Variants in PADI4 observed in about 807,000 individuals in gnomAD.
The protein encoded by PADI4 is peptidyl arginine deiminase 4, also known as protein-arginine deiminase type-4.
PADI4 carries 62 observed loss-of-function variants against 75.0 expected under a neutral mutation model. That is an observed-to-expected ratio of 0.83 (90% CI 0.67 to 1.02). The LOEUF (loss-of-function observed/expected upper bound fraction) is 1.02. Among genes scored for constraint, PADI4 ranks in the 50% least tolerant of loss-of-function variants. PADI4 has a pLI of 0.00. For missense variants in PADI4, 845 were observed against 850.5 expected (o/e 0.99, Z 0.08); for synonymous variants, 361 against 348.1 (o/e 1.04, Z -0.41).
chr1:17,340,790 CTTTTTT>C (rs138301211), intron 6 of PADI4, among the ~76,000 whole-genome samples: 5 of 126,902 alleles, frequency 3.9e-5, no homozygotes, highest in Non-Finnish European at 6.6e-5. Context: ...CTATTCCAAG[CTTTTTT>C]TTTTTTTTTT....
intron 1 of PADI4, among the ~76,000 whole-genome samples, chr1:17,326,239 T>TAATA (rs1308340070): frequency 6.6e-6 from 1 of 152,244 alleles, no homozygotes; most frequent in Non-Finnish European, 1.5e-5. Context: ...TTGATTTGTT[T>TAATA]TATTATTTCA....
chr1:17,362,799 C>T (rs1016876613), intron 15 of PADI4, among the ~76,000 whole-genome samples: 12 of 152,208 alleles, frequency 7.9e-5, no homozygotes, highest in Non-Finnish European at 2.9e-5. Flanking sequence ...TCTCAGTTTT[C>T]TCATTTGTAA....
intron 10 of PADI4, among the ~76,000 whole-genome samples, chr1:17,352,009 G>GTGGT (rs2074649337): frequency 3.0e-5 from 1 of 33,202 alleles, no homozygotes; most frequent in Non-Finnish European, 5.5e-5. Context: ...GAGGTGATGG[G>GTGGT]AGGAGAGGCG....
At chr1:17,331,238 G>C in intron 2 of PADI4, 89 bp downstream of exon 2, 1 of 1,095,270 alleles carries the variant, frequency 9.1e-7, no homozygotes, top group Non-Finnish European at 1.3e-6. Context: ...CACAGCACCA[G>C]CCTGGCAGAG....
At chr1:17,361,616 A>C (rs2074849860) in intron 15 of PADI4, among the ~76,000 whole-genome samples, 1 of 152,168 alleles carries the variant, frequency 6.6e-6, no homozygotes, top group Non-Finnish European at 1.5e-5. Flanking sequence ...TTCTTACCTA[A>C]TTGTCATTGC....
intron 6 of PADI4, among the ~76,000 whole-genome samples, chr1:17,340,523 G>A (rs554199567): frequency 5.3e-5 from 8 of 152,150 alleles, no homozygotes; most frequent in South Asian, 2.1e-4. Flanking sequence ...CAGAGGGAAC[G>A]GCAAGTGCGT....
At chr1:17,354,763 C>A in intron 11 of PADI4, 76 bp downstream of exon 11, 1 of 1,378,138 alleles carries the variant, frequency 7.3e-7, no homozygotes, top group Non-Finnish European at 9.8e-7. Flanking sequence ...GAGTGGAAGC[C>A]TTGCCTTCCT....
intron 1 of PADI4, among the ~76,000 whole-genome samples, chr1:17,312,118 C>T (rs977397615): frequency 9.2e-5 from 14 of 152,022 alleles, no homozygotes; most frequent in Non-Finnish European, 2.1e-4. Context: ...ATCTGTAGTC[C>T]GTGCTTTTTC....
chr1:17,311,061 A>C (rs1242219306), intron 1 of PADI4, among the ~76,000 whole-genome samples: 2 of 151,242 alleles, frequency 1.3e-5, no homozygotes, highest in Non-Finnish European at 3.0e-5. Flanking sequence ...TGTGCCACTG[A>C]ACTCCAGCCT....
At position 17,354,698 on chromosome 1, in the gene PADI4, G is replaced by A. The variant is rs1386360667; in HGVS notation, c.1310+11G>A. On this transcript the variant is annotated intron_variant, in intron 11 of 15. Coordinates refer to ENST00000375448, the MANE Select transcript of PADI4 (RefSeq NM_012387.3). ...CAGCTGTTATCCCAGGTAAGGAGGG[G>A]AGTAACAGGAAGGGGTGGCCAGGAC... The A allele has an allele frequency of 6.3e-6, 10 of 1,589,212 alleles. No homozygotes were observed. Among genetic ancestry groups the A allele is most frequent in the African/African-American group, 2.7e-5 (2 of 74,426 alleles).
At chr1:17,323,801 C>A (rs1490280688) in intron 1 of PADI4, among the ~76,000 whole-genome samples, 1 of 152,040 alleles carries the variant, frequency 6.6e-6, no homozygotes, top group African/African-American at 2.4e-5. Context: ...CCACTACACT[C>A]CAGCCTGGGC....
At position 17,354,358 on chromosome 1, in the gene PADI4, A is replaced by T. The variant is rs186670972; in HGVS notation, c.1156-175A>T. Among the ~76,000 whole-genome samples, 3 of 152,336 alleles carry T rather than the reference A, an allele frequency of 2.0e-5. No individual in the cohort carries two copies. In the East Asian group the frequency reaches 5.8e-4, roughly 29 times the overall value. On this transcript the variant is annotated intron_variant, in intron 10 of 15. Coordinates refer to ENST00000375448, the MANE Select transcript of PADI4 (RefSeq NM_012387.3). The stretch of plus-strand genomic sequence containing the variant: ...GCTAGTCCCTTTTCTTGTCCATTGA[A>T]TGAACTCAACATTCCTTTAACCTTC...
intron 1 of PADI4, among the ~76,000 whole-genome samples, chr1:17,323,551 T>A (rs960555923): frequency 7.2e-5 from 11 of 152,218 alleles, no homozygotes; most frequent in Non-Finnish European, 1.5e-4. Flanking sequence ...AATGTAATCC[T>A]AAGCCAGGTA....
In PADI4 at chr1:17,363,784, C is replaced by T. The variant is rs768079605; in HGVS notation, c.*29C>T. On this transcript the variant is annotated 3_prime_UTR_variant, in exon 16 of 16. Coordinates refer to ENST00000375448, the MANE Select transcript of PADI4 (RefSeq NM_012387.3). ...CATCTTCCCTGGCGTCCTCTCCCTCCTGGCCAGATGTCGCTGGGTCCTCTG... is the reference window on the plus strand; with the variant it reads ...CATCTTCCCTGGCGTCCTCTCCCTCTTGGCCAGATGTCGCTGGGTCCTCTG... 1.9e-5 allele frequency: 28 copies of T among 1,508,166 alleles called. No homozygotes were observed. Among genetic ancestry groups the T allele is most frequent in the Non-Finnish European group, 2.5e-5 (27 of 1,085,072 alleles). The allele number at this position is 1,508,166 out of a possible 1,614,324, so 93.4% of individuals were successfully genotyped here. A position where few individuals can be genotyped will look rare whatever the true frequency, so the allele number is the denominator to read the frequency against.
Position 17,358,833 on chromosome 1 carries a change from G to A in PADI4, c.1559-5G>A. The stretch of plus-strand genomic sequence containing the variant: ...TTGCCTTTTTTTTCTTTTTCTCCAT[G>A]ACAGAAAAAAAACAGCAGAAAATAA... On this transcript the variant is annotated splice_region_variant and splice_polypyrimidine_tract_variant and intron_variant, in intron 13 of 15. Transcript: ENST00000375448. 1 of 1,588,366 alleles carries A rather than the reference G, an allele frequency of 6.3e-7. No individual in the cohort carries two copies. The highest frequency in any genetic ancestry group is 1.1e-5 in the South Asian group (1 of 88,340).
intron 10 of PADI4, among the ~76,000 whole-genome samples, chr1:17,349,722 G>GAAAA (rs1557573605): frequency 4.1e-5 from 3 of 73,092 alleles, no homozygotes; most frequent in Non-Finnish European, 3.5e-5. Context: ...AAAAAAGAAA[G>GAAAA]AAAAAGAAAA....
intron 13 of PADI4, among the ~76,000 whole-genome samples, chr1:17,358,093 C>G (rs2074791372): frequency 6.6e-6 from 1 of 151,334 alleles, no homozygotes; most frequent in Admixed American, 6.6e-5. Flanking sequence ...ACTAAAAGTA[C>G]AAAAATTAGC....
intron 7 of PADI4, 67 bp downstream of exon 7, chr1:17,342,188 G>C: frequency 6.5e-7 from 1 of 1,530,980 alleles, no homozygotes; most frequent in South Asian, 1.1e-5. Context: ...CTAGGGAAAG[G>C]GGTACAGAGC....
chr1:17,330,856 C>A, intron 1 of PADI4, 113 bp from the exon 2 acceptor site: 2 of 694,396 alleles, frequency 2.9e-6, no homozygotes, highest in Non-Finnish European at 4.7e-6. Context: ...TCTTTCAGTC[C>A]AAACAAGCTG....
Sources: gnomAD v4.1 joint callset for allele counts (sites outside exome capture counted in the v4.1 genomes callset) on GRCh38, gnomAD v4.1.1 for gene constraint, MANE v1.5 for transcripts, NCBI Gene and HGNC (gene_info 2026-07-23, HGNC 2026-07-21) for gene names.